SEMA5A: variants seen among roughly 807,000 people sequenced by gnomAD.
SEMA5A encodes semaphorin 5A.
Under a neutral mutation model 135.5 loss-of-function variants are expected in SEMA5A, and 55 were observed. That is an observed-to-expected ratio of 0.41 (90% CI 0.33 to 0.51). SEMA5A has a LOEUF of 0.51. SEMA5A is among the 20% of genes least tolerant of loss of function. SEMA5A has a pLI of 0.37. For synonymous variants in SEMA5A, 580 were observed against 546.5 expected (o/e 1.06, Z -0.85); for missense variants, 1,290 against 1,419.9 (o/e 0.91, Z 1.47).
At chr5:9,084,804 G>A (rs2150110885) in intron 16 of SEMA5A, among the ~76,000 whole-genome samples, 1 of 152,310 alleles carries the variant, frequency 6.6e-6, no homozygotes, top group South Asian at 2.1e-4. Context: ...GTAATAGGTA[G>A]AGGTTGGAAC....
chr5:9,372,849 T>A (rs1371397391), intron 3 of SEMA5A, among the ~76,000 whole-genome samples: 1 of 152,250 alleles, frequency 6.6e-6, no homozygotes, highest in Non-Finnish European at 1.5e-5. Context: ...TCATCCAGCA[T>A]GCCTTCATTT....
chr5:9,485,835 T>G (rs1257593061), intron 1 of SEMA5A, among the ~76,000 whole-genome samples: 2 of 152,132 alleles, frequency 1.3e-5, no homozygotes, highest in Non-Finnish European at 2.9e-5. Context: ...AGCAGACACA[T>G]GCAGAAACAG....
At position 9,379,754 on chromosome 5, in the gene SEMA5A, CT is replaced by C; in HGVS notation, c.124+68del. 3.2e-6 allele frequency: 5 copies of C among 1,568,462 alleles called. No homozygotes were observed. In the East Asian group the frequency reaches 1.1e-4, roughly 35 times the overall value. On this transcript the variant is annotated intron_variant, in intron 3 of 22. Coordinates refer to ENST00000382496, the MANE Select transcript of SEMA5A (RefSeq NM_003966.3). ...TACAGCATTCGTGATGCTCTATTAT[CT>C]TCTATCACTAAACACAGAATGTGCA...
At chr5:9,315,437 T>A (rs938516349) in intron 5 of SEMA5A, among the ~76,000 whole-genome samples, 8 of 152,206 alleles carry the variant, frequency 5.3e-5, no homozygotes, top group Admixed American at 2.6e-4. Flanking sequence ...TATCCAGACA[T>A]TTGAATTTCT....
At chr5:9,286,393 T>C (rs1275347924) in intron 5 of SEMA5A, among the ~76,000 whole-genome samples, 3 of 152,054 alleles carry the variant, frequency 2.0e-5, no homozygotes, top group Non-Finnish European at 4.4e-5. Context: ...TACCATTGAT[T>C]TTTTCCCCCA....
chr5:9,070,343 C>G (rs1285985550), intron 16 of SEMA5A, among the ~76,000 whole-genome samples: 2 of 152,098 alleles, frequency 1.3e-5, no homozygotes, highest in Admixed American at 1.3e-4. Context: ...TGCACTCCAG[C>G]CTGGGCAGCA....
At chr5:9,150,739 G>A (rs1407395822) in intron 12 of SEMA5A, among the ~76,000 whole-genome samples, 1 of 152,116 alleles carries the variant, frequency 6.6e-6, no homozygotes, top group Non-Finnish European at 1.5e-5. Flanking sequence ...GAAAAACAGA[G>A]TATAAAACCT....
At chr5:9,222,133 C>A (rs565718716) in intron 8 of SEMA5A, among the ~76,000 whole-genome samples, 13 of 152,124 alleles carry the variant, frequency 8.5e-5, no homozygotes, top group African/African-American at 2.4e-4. Context: ...AGACCTGAGA[C>A]AAGGGCATCT....
At position 9,224,804 on chromosome 5, in the gene SEMA5A, G is replaced by C. The variant is rs1444615463; in HGVS notation, c.516C>G (p.Leu172=). The part of the protein sequence containing the change: ...PYSPQHNSTA[L]LTAGGELYAA... ...CATAGAGCTCCCCACCAGCTGTGAG[G>C]AGCGCTGTGGAATTGTGCTGGGGAC... is the stretch of plus-strand genomic sequence containing the variant. Residue 172 remains leucine (L), a synonymous_variant, in exon 8 of 23, where the codon CTC becomes CTG. Transcript: ENST00000382496. 10 of 1,614,034 alleles carry C rather than the reference G, an allele frequency of 6.2e-6. No individual in the cohort carries two copies. Among genetic ancestry groups the C allele is most frequent in the Non-Finnish European group, 8.5e-6 (10 of 1,180,018 alleles).
chr5:9,076,944 T>G lies in SEMA5A; in HGVS notation c.2074-10298A>C, dbSNP rs1313454773. On this transcript the variant is annotated intron_variant, in intron 16 of 22. Transcript: ENST00000382496. ...ATGTTCCTCATTCTTTTAAAATCACTTATGTCTCTTCTAATCAGTTTCTTT... is the reference window on the plus strand; with the variant it reads ...ATGTTCCTCATTCTTTTAAAATCACGTATGTCTCTTCTAATCAGTTTCTTT... Among the ~76,000 whole-genome samples the G allele has an allele frequency of 2.0e-5, 3 of 151,708 alleles. No homozygotes were observed. In the East Asian group the frequency reaches 5.8e-4, roughly 29 times the overall value.
At chr5:9,382,942 T>G (rs571662127) in intron 2 of SEMA5A, among the ~76,000 whole-genome samples, 2 of 152,282 alleles carry the variant, frequency 1.3e-5, no homozygotes, top group African/African-American at 4.8e-5. Context: ...GTAATGGCAC[T>G]GCAAATCAAG....
At chr5:9,071,194 C>T (rs1250428379) in intron 16 of SEMA5A, among the ~76,000 whole-genome samples, 1 of 152,132 alleles carries the variant, frequency 6.6e-6, no homozygotes, top group African/African-American at 2.4e-5. Flanking sequence ...GTGATAAAAG[C>T]ACTCATTTAA....
chr5:9,169,191 G>GA (rs1422053524), intron 11 of SEMA5A, among the ~76,000 whole-genome samples: 1 of 152,170 alleles, frequency 6.6e-6, no homozygotes, highest in African/African-American at 2.4e-5. Context: ...AAAGAACAAA[G>GA]AAAAGGGTAA....
At chr5:9,202,369 TG>T (rs1745766149) in intron 8 of SEMA5A, 129 bp from the exon 9 acceptor site, 1 of 879,066 alleles carries the variant, frequency 1.1e-6, no homozygotes, top group Non-Finnish European at 1.7e-6. Flanking sequence ...ATAGGACTAT[TG>T]GGAGGCCCCG....
chr5:9,327,753 T>G (rs1000433555), intron 4 of SEMA5A, among the ~76,000 whole-genome samples: 3 of 152,204 alleles, frequency 2.0e-5, no homozygotes, highest in Non-Finnish European at 4.4e-5. Context: ...TACATTTTAT[T>G]ATGCTTTAAT....
At chr5:9,095,496 G>T (rs1176672553) in intron 16 of SEMA5A, among the ~76,000 whole-genome samples, 1 of 152,090 alleles carries the variant, frequency 6.6e-6, no homozygotes, top group East Asian at 1.9e-4. Context: ...AAAACTTTTA[G>T]GATTACTAAA....
intron 5 of SEMA5A, among the ~76,000 whole-genome samples, chr5:9,280,534 G>A (rs1260311672): frequency 6.6e-6 from 1 of 152,188 alleles, no homozygotes; most frequent in Non-Finnish European, 1.5e-5. Flanking sequence ...ACTATTCATA[G>A]GAGAAGCTCT....
At chr5:9,469,107 C>T (rs1456867708) in intron 1 of SEMA5A, among the ~76,000 whole-genome samples, 1 of 152,160 alleles carries the variant, frequency 6.6e-6, no homozygotes, top group African/African-American at 2.4e-5. Flanking sequence ...CTCCCAGATT[C>T]AAGCGATTCT....
At chr5:9,520,722 C>T (rs1736780709) in intron 1 of SEMA5A, among the ~76,000 whole-genome samples, 1 of 152,166 alleles carries the variant, frequency 6.6e-6, no homozygotes, top group Non-Finnish European at 1.5e-5. Context: ...AATCCTAGCT[C>T]CAGGCAAGTC....
Sources: allele counts gnomAD v4.1 joint callset (sites outside exome capture counted in the v4.1 genomes callset), GRCh38; gene constraint gnomAD v4.1.1; transcripts MANE v1.5; gene names NCBI Gene and HGNC (gene_info 2026-07-23, HGNC 2026-07-21).